PCDHA7: variants seen among roughly 807,000 people sequenced by gnomAD.
PCDHA7 encodes the protein protocadherin alpha 7, also known as protocadherin alpha-7.
In PCDHA7, 37 loss-of-function variants were observed where a neutral mutation model predicts 57.2. The observed-to-expected ratio is 0.65, with a 90% CI of 0.50 to 0.85. The LOEUF is 0.85. PCDHA7 is among the 40% of genes least tolerant of loss of function. The pLI, the probability that PCDHA7 is intolerant of heterozygous loss-of-function variation, is 0.00. For synonymous variants in PCDHA7, 553 were observed against 558.8 expected (o/e 0.99, Z 0.15); for missense variants, 1,188 against 1,241.8 (o/e 0.96, Z 0.65).
chr5:141,009,654 C>T lies in PCDHA7; in HGVS notation c.2531C>T (p.Pro844Leu). 4 of 1,614,012 alleles carry T rather than the reference C, an allele frequency of 2.5e-6. No individual in the cohort carries two copies. The highest frequency in any genetic ancestry group is 3.4e-6 in the Non-Finnish European group (4 of 1,179,962). The change falls in exon 4 of 4, where the codon CCA becomes CTA. Residue 844 changes from proline to leucine, a missense_variant. Pro to Leu is a moderately conservative substitution (Grantham distance 98, BLOSUM62 -3). This residue lies in a region of PCDHA7 where 892 missense variants were observed against 788.5 expected (regional missense o/e 1.13). Coordinates refer to ENST00000525929, the MANE Select transcript of PCDHA7 (RefSeq NM_018910.3). ...CCAGAGGCAGGAGAAGTGTCCCCTC[C>T]AGTCGGTGCGGGTGTCAACAGCAAC... ...PEPEAGEVSP[P>L]VGAGVNSNSW...
chr5:140,965,029 A>G (rs1252337885), intron 1 of PCDHA7, among the ~76,000 whole-genome samples: 2 of 152,178 alleles, frequency 1.3e-5, no homozygotes, highest in Non-Finnish European at 2.9e-5. Context: ...GGCTCCTTTA[A>G]CTGTCCGCTC....
Position 140,835,779 on chromosome 5 carries a change from G to A in PCDHA7, c.1396G>A (p.Glu466Lys), listed in dbSNP as rs1195624528. The A allele has an allele frequency of 1.2e-6, 2 of 1,613,242 alleles. No individual in the cohort carries two copies. The highest frequency in any genetic ancestry group is 1.3e-5 in the African/African-American group (1 of 74,918). ...GCCCGAGTATACGGTGTTCGTGAAGGAGAACAACCCGCCGGGCTGCCACAT... is the reference window on the plus strand; with the variant it reads ...GCCCGAGTATACGGTGTTCGTGAAGAAGAACAACCCGCCGGGCTGCCACAT... ...AQPEYTVFVK[E>K]NNPPGCHIFT... The change falls in exon 1 of 4, where the codon GAG (glutamate) becomes AAG (lysine). Residue 466 changes from glutamate to lysine, a missense_variant. Glu to Lys is a moderately conservative substitution (Grantham distance 56). Coordinates refer to ENST00000525929, the MANE Select transcript of PCDHA7 (RefSeq NM_018910.3).
chr5:140,967,044 A>G, intron 1 of PCDHA7: 3 of 1,612,116 alleles, frequency 1.9e-6, no homozygotes, highest in Non-Finnish European at 2.5e-6. Context: ...CTGGAGCTGG[A>G]CCTGACGAGT....
At chr5:140,873,086 C>G (rs984385666) in intron 1 of PCDHA7, among the ~76,000 whole-genome samples, 1 of 152,122 alleles carries the variant, frequency 6.6e-6, no homozygotes, top group Non-Finnish European at 1.5e-5. Context: ...ATTTCCCCCC[C>G]GTATAGAGGC....
intron 3 of PCDHA7, among the ~76,000 whole-genome samples, chr5:141,000,193 A>G (rs554462748): frequency 2.0e-5 from 3 of 151,958 alleles, no homozygotes; most frequent in Non-Finnish European, 4.4e-5. Flanking sequence ...ATGTGAGAAT[A>G]GTTTTTCACC....
intron 1 of PCDHA7, among the ~76,000 whole-genome samples, chr5:140,889,020 TG>T (rs1554183734): frequency 1.3e-5 from 2 of 152,126 alleles, no homozygotes; most frequent in Non-Finnish European, 2.9e-5. Context: ...TCTACTTCCT[TG>T]GATAACCGTA....
At chr5:140,898,054 A>G (rs1401215235) in intron 1 of PCDHA7, among the ~76,000 whole-genome samples, 2 of 151,638 alleles carry the variant, frequency 1.3e-5, no homozygotes, top group African/African-American at 4.8e-5. Flanking sequence ...TTTTCTTGTA[A>G]ATTTGTTTGA....
chr5:140,838,077 A>AGT (rs2150283763), intron 1 of PCDHA7, among the ~76,000 whole-genome samples: 1,310 of 80,648 alleles, frequency 0.016, 14 homozygotes, highest in South Asian at 0.044. Context: ...ATATATATAT[A>AGT]GTGTGTGTGT....
chr5:140,836,831 A>G lies in PCDHA7; in HGVS notation c.2355+93A>G, dbSNP rs927373808. 3.2e-6 allele frequency: 3 copies of G among 927,304 alleles called. No individual in the cohort carries two copies. In the African/African-American group the frequency reaches 5.0e-5, roughly 16 times the overall value. The allele number at this position is 927,304 out of a possible 1,614,324, so 57.4% of individuals were successfully genotyped here. ...TCTTTCATAATTTCTTTTTTAGTTG[A>G]TAGCTTTATGTATAATTATTATTTT... On this transcript the variant is annotated intron_variant, in intron 1 of 3. Coordinates refer to ENST00000525929, the MANE Select transcript of PCDHA7 (RefSeq NM_018910.3).
chr5:140,847,536 G>C (rs1162683759), intron 1 of PCDHA7: 1 of 149,444 alleles, frequency 6.7e-6, no homozygotes, highest in Non-Finnish European at 1.5e-5. Context: ...AGAATCTCAA[G>C]CATAGCTTTA....
intron 1 of PCDHA7, among the ~76,000 whole-genome samples, chr5:140,891,044 C>G (rs1167178710): frequency 6.6e-6 from 1 of 152,030 alleles, no homozygotes; most frequent in Non-Finnish European, 1.5e-5. Flanking sequence ...GTGTGACCCC[C>G]ACAGCACATA....
intron 1 of PCDHA7, among the ~76,000 whole-genome samples, chr5:140,933,894 A>G (rs2089494206): frequency 6.6e-6 from 1 of 151,894 alleles, no homozygotes; most frequent in Non-Finnish European, 1.5e-5. Context: ...ACTTTTGAAT[A>G]TTTTGGCATA....
chr5:140,984,971 T>A (rs1437915679), intron 3 of PCDHA7, among the ~76,000 whole-genome samples: 1 of 152,080 alleles, frequency 6.6e-6, no homozygotes, highest in East Asian at 1.9e-4. Flanking sequence ...AGAGTCTCGC[T>A]CTGTCCCCCA....
rs782449567 is a variant in PCDHA7, at chr5:140,928,010, G to T, written c.2356-50939G>T. 4.3e-6 allele frequency: 7 copies of T among 1,614,168 alleles called. No individual in the cohort carries two copies. In the South Asian group the frequency reaches 6.6e-5, roughly 15 times the overall value. On this transcript the variant is annotated intron_variant, in intron 1 of 3. Coordinates refer to ENST00000525929, the MANE Select transcript of PCDHA7 (RefSeq NM_018910.3). Reference sequence around the variant, plus strand: ...AAGGATGAAGACCTCGATTCTAATGGTAGGGTCATTTGTGGCATGTCTAGT... The same window carrying T: ...AAGGATGAAGACCTCGATTCTAATGTTAGGGTCATTTGTGGCATGTCTAGT...
chr5:140,846,375 T>TC lies in PCDHA7; in HGVS notation c.2355+9637_2355+9638insC, dbSNP rs1272448180. Among the ~76,000 whole-genome samples, 317 of 125,476 alleles carry TC rather than the reference T, an allele frequency of 2.5e-3. 15 individuals carry two copies. The highest frequency in any genetic ancestry group is 0.01 in the African/African-American group (304 of 29,966). The allele number at this position is 125,476 out of a possible 152,430, so 82.3% of individuals were successfully genotyped here. A position where few individuals can be genotyped will look rare whatever the true frequency, so the allele number is the denominator to read the frequency against. On this transcript the variant is annotated intron_variant, in intron 1 of 3. Transcript: ENST00000525929. ...TTTTTCTTTTCTTTTCTTTCTTTCT[T>TC]TTTTTTTTTTTTTTTTTGAGACGGA...
At chr5:140,849,620 C>A (rs2040998983) in intron 1 of PCDHA7, 1 of 1,598,622 alleles carries the variant, frequency 6.3e-7, no homozygotes, top group Non-Finnish European at 8.6e-7. Context: ...TTAGTGTGAT[C>A]GACCTAGACG....
chr5:140,875,826 T>C lies in PCDHA7; in HGVS notation c.2355+39088T>C, dbSNP rs367888868. ...TGGACAGGCCGCTGCAGGTTTTCCA[T>C]GTGGACGTGGAGGTGAAGGACATTA... is the stretch of plus-strand genomic sequence containing the variant. On this transcript the variant is annotated intron_variant, in intron 1 of 3. Coordinates refer to ENST00000525929, the MANE Select transcript of PCDHA7 (RefSeq NM_018910.3). 25 of 1,614,126 alleles carry C rather than the reference T, an allele frequency of 1.5e-5. No homozygotes were observed. In the African/African-American group the frequency reaches 2.3e-4, roughly 15 times the overall value.
At chr5:140,875,026 C>T (rs2055229265) in intron 1 of PCDHA7, among the ~76,000 whole-genome samples, 1 of 152,142 alleles carries the variant, frequency 6.6e-6, no homozygotes, top group South Asian at 2.1e-4. Flanking sequence ...TTCTGGCCTA[C>T]TGTATTTGAA....
chr5:140,850,347 G>T, intron 1 of PCDHA7: 9 of 1,597,856 alleles, frequency 5.6e-6, no homozygotes, highest in Non-Finnish European at 7.7e-6. Flanking sequence ...AACGGCCAGC[G>T]CGAGCATCCC....
Sources: gnomAD v4.1 joint callset for allele counts (sites outside exome capture counted in the v4.1 genomes callset) on GRCh38, gnomAD v4.1.1 for gene constraint, gnomAD v4.1.1 regional missense constraint, MANE v1.5 for transcripts, NCBI Gene and HGNC (gene_info 2026-07-23, HGNC 2026-07-21) for gene names.